The following RAB3GAP1 variants were observed in gnomAD, a reference collection of about 807,000 sequenced individuals.
RAB3GAP1 encodes the protein RAB3 GTPase activating protein catalytic subunit 1.
RAB3GAP1 carries 86 observed loss-of-function variants against 130.7 expected under a neutral mutation model. That is an observed-to-expected ratio of 0.66 (90% CI 0.55 to 0.79). The LOEUF is 0.79. RAB3GAP1 is among the 30% of genes least tolerant of loss of function. The pLI is 0.00. For missense variants in RAB3GAP1, 1,029 were observed against 1,169.4 expected (o/e 0.88, Z 1.75); for synonymous variants, 367 against 401.7 (o/e 0.91, Z 1.03).
At chr2:135,073,359 A>G (rs1689532233) in intron 3 of RAB3GAP1, among the ~76,000 whole-genome samples, 1 of 152,184 alleles carries the variant, frequency 6.6e-6, no homozygotes. Flanking sequence ...GCATCCTCAG[A>G]GTTGCCCTTG....
At chr2:135,148,165 A>T (rs961154447) in intron 17 of RAB3GAP1, among the ~76,000 whole-genome samples, 4 of 152,138 alleles carry the variant, frequency 2.6e-5, no homozygotes, top group African/African-American at 9.7e-5. Flanking sequence ...TTTAAGGTTA[A>T]TTTTATTTGA....
At chr2:135,062,364 G>A (rs568135648) in intron 3 of RAB3GAP1, among the ~76,000 whole-genome samples, 1 of 152,352 alleles carries the variant, frequency 6.6e-6, no homozygotes, top group South Asian at 2.1e-4. Flanking sequence ...CATGTTTCCA[G>A]TTGTGACAAC....
intron 19 of RAB3GAP1, among the ~76,000 whole-genome samples, chr2:135,158,178 T>G (rs894680329): frequency 1.3e-5 from 2 of 152,198 alleles, no homozygotes; most frequent in African/African-American, 2.4e-5. Flanking sequence ...TCCCTGGCTT[T>G]CTTCTGAAAG....
intron 3 of RAB3GAP1, among the ~76,000 whole-genome samples, chr2:135,064,114 G>T (rs1310570539): frequency 6.6e-6 from 1 of 152,024 alleles, no homozygotes; most frequent in Non-Finnish European, 1.5e-5. Flanking sequence ...GGCTGCTTTT[G>T]AGATTTTTTT....
intron 17 of RAB3GAP1, among the ~76,000 whole-genome samples, chr2:135,143,796 G>A (rs1367617580): frequency 5.9e-5 from 9 of 151,996 alleles, no homozygotes; most frequent in East Asian, 1.9e-4. Flanking sequence ...TGACCCGCCC[G>A]CCTCGGCCTC....
intron 3 of RAB3GAP1, among the ~76,000 whole-genome samples, chr2:135,080,534 C>CT (rs1423916422): frequency 6.6e-6 from 1 of 152,150 alleles, no homozygotes; most frequent in African/African-American, 2.4e-5. Context: ...CGAGATGATG[C>CT]TAAATGGTAC....
At chr2:135,106,947 C>T (rs1690646246) in intron 5 of RAB3GAP1, among the ~76,000 whole-genome samples, 1 of 151,802 alleles carries the variant, frequency 6.6e-6, no homozygotes, top group South Asian at 2.1e-4. Context: ...GTATGGGCAA[C>T]CTGCTGAATA....
rs994521899 is a variant in RAB3GAP1 at position 135,090,995 on chromosome 2, T to C, written c.151-3T>C. 7 of 1,611,108 alleles carry C rather than the reference T, an allele frequency of 4.3e-6. No homozygotes were observed. The highest frequency in any genetic ancestry group is 4.0e-5 in the African/African-American group (3 of 74,838). On this transcript the variant is annotated splice_polypyrimidine_tract_variant and splice_region_variant and intron_variant, in intron 3 of 23. Transcript: ENST00000264158. ...TATTTTGCCATTTTATTGGTACATATAGGGTATATTTACTTCTGGCACATG... is the reference window on the plus strand; with the variant it reads ...TATTTTGCCATTTTATTGGTACATACAGGGTATATTTACTTCTGGCACATG...
At chr2:135,053,502 TGG>T (rs1159342911) in intron 2 of RAB3GAP1, among the ~76,000 whole-genome samples, 3 of 152,216 alleles carry the variant, frequency 2.0e-5, no homozygotes, top group Admixed American at 6.5e-5. Context: ...TTCAGTTTCC[TGG>T]GTGTTGAAGT....
intron 13 of RAB3GAP1, among the ~76,000 whole-genome samples, chr2:135,132,286 A>C (rs1691569948): frequency 6.6e-6 from 1 of 152,250 alleles, no homozygotes; most frequent in Non-Finnish European, 1.5e-5. Flanking sequence ...ATGTTATTCA[A>C]ATCATGTAGC....
At chr2:135,085,278 G>A (rs978695945) in intron 3 of RAB3GAP1, among the ~76,000 whole-genome samples, 15 of 152,196 alleles carry the variant, frequency 9.9e-5, no homozygotes, top group Non-Finnish European at 2.1e-4. Flanking sequence ...TATACAATAT[G>A]TGTAATACTA....
chr2:135,081,361 T>TATATATATACACAC (rs1216831944), intron 3 of RAB3GAP1, among the ~76,000 whole-genome samples: 2 of 71,266 alleles, frequency 2.8e-5, no homozygotes, highest in Admixed American at 2.1e-4. Context: ...TATATATATA[T>TATATATATACACAC]ACACACACGT....
intron 17 of RAB3GAP1, among the ~76,000 whole-genome samples, chr2:135,143,146 T>A (rs1046144336): frequency 1.3e-5 from 2 of 152,026 alleles, no homozygotes; most frequent in African/African-American, 2.4e-5. Flanking sequence ...TATTCTTATT[T>A]TTTATTTCTT....
At position 135,129,496 on chromosome 2, in the gene RAB3GAP1, C is replaced by T. The variant is rs568237515; in HGVS notation, c.974-499C>T. On this transcript the variant is annotated intron_variant, in intron 11 of 23. Transcript: ENST00000264158. ...AAATAAAAAATAATAGTAATAATGA[C>T]GGAAAGAATACCATTAATATGTAGC... 9.6e-4 allele frequency among the ~76,000 whole-genome samples: 145 copies of T among 151,252 alleles called. 1 individual carries two copies. Among genetic ancestry groups the T allele is most frequent in the African/African-American group, 3.0e-3 (124 of 41,306 alleles).
chr2:135,105,907 A>G (rs368560179), intron 5 of RAB3GAP1, among the ~76,000 whole-genome samples: 8,690 of 143,484 alleles, frequency 0.061, 505 homozygotes, highest in African/African-American at 0.16. Context: ...GGTGAGGAGC[A>G]TCTCTGCCCG....
chr2:135,143,739 A>G (rs1691913987), intron 17 of RAB3GAP1, among the ~76,000 whole-genome samples: 1 of 151,820 alleles, frequency 6.6e-6, no homozygotes, highest in African/African-American at 2.4e-5. Flanking sequence ...TTGTATTTTT[A>G]GTAGAGACGG....
Position 135,164,685 on chromosome 2 carries a change from A to G in RAB3GAP1, c.2698A>G (p.Asn900Asp). 4 of 1,606,250 alleles carry G rather than the reference A, an allele frequency of 2.5e-6. No homozygotes were observed. Among genetic ancestry groups the G allele is most frequent in the Non-Finnish European group, 3.4e-6 (4 of 1,173,392 alleles). The change falls in exon 23 of 24, where the codon AAT (asparagine) becomes GAT (aspartate). Residue 900 changes from asparagine (N) to aspartate (D), a missense_variant. This residue lies in a region of RAB3GAP1 where 146 missense variants were observed against 143.7 expected (regional missense o/e 1.02). Transcript: ENST00000264158. Reference protein sequence around the residue: ...AGRIIHKLFVNAQRAAAMTPP... With the variant: ...AGRIIHKLFVDAQRAAAMTPP... ...CAGGATCATTCACAAGCTGTTTGTG[A>G]ATGCCCAGAGGGTATGTGAGAGTCA...
chr2:135,137,301 G>A (rs898944331), intron 17 of RAB3GAP1: 1 of 274,890 alleles, frequency 3.6e-6, no homozygotes, highest in African/African-American at 2.3e-5. Context: ...CTATTCTTGA[G>A]TATGATCGCT....
intron 3 of RAB3GAP1, among the ~76,000 whole-genome samples, chr2:135,066,052 C>T (rs139467539): frequency 5.2e-4 from 79 of 152,032 alleles, no homozygotes; most frequent in Non-Finnish European, 9.6e-4. Context: ...GGATTACAGG[C>T]GTGAGCTACT....
Sources: allele counts gnomAD v4.1 joint callset (sites outside exome capture counted in the v4.1 genomes callset), GRCh38; gene constraint gnomAD v4.1.1; regional missense constraint gnomAD v4.1.1; transcripts MANE v1.5; gene names NCBI Gene and HGNC (gene_info 2026-07-23, HGNC 2026-07-21).